The following COL23A1 variants were observed in gnomAD, a reference collection of about 807,000 sequenced individuals.
The protein encoded by COL23A1 is collagen type XXIII alpha 1 chain.
COL23A1 carries 97 observed loss-of-function variants against 99.3 expected under a neutral mutation model. That is an observed-to-expected ratio of 0.98 (90% CI 0.83 to 1.16). The LOEUF (loss-of-function observed/expected upper bound fraction) is 1.16. Ranked by LOEUF, COL23A1 falls within the 50% of genes most tolerant of loss-of-function variation. The pLI is 0.00. For missense variants in COL23A1, 762 were observed against 757.4 expected, an observed-to-expected ratio of 1.01 and a Z score of -0.07; for synonymous variants, 320 against 308.2, an observed-to-expected ratio of 1.04 and a Z score of -0.40.
rs142812776 is a variant in COL23A1, at chr5:178,380,726, C to T, written c.362-73807G>A. Among the ~76,000 whole-genome samples the T allele has an allele frequency of 9.7e-3, 1,470 of 152,258 alleles. 14 individuals carry two copies. Among genetic ancestry groups the T allele is most frequent in the Non-Finnish European group, 0.014 (953 of 68,026 alleles). ...GCCGGGACAGAGGCAGGGAGGATCACGTCCGGGGCCAATGTCGGGACCAGC... is the reference window on the plus strand; with the variant it reads ...GCCGGGACAGAGGCAGGGAGGATCATGTCCGGGGCCAATGTCGGGACCAGC... On this transcript the variant is annotated intron_variant, in intron 2 of 28. Transcript: ENST00000390654.
chr5:178,533,522 C>T (rs770455561), intron 2 of COL23A1, among the ~76,000 whole-genome samples: 2 of 152,098 alleles, frequency 1.3e-5, no homozygotes, highest in Non-Finnish European at 2.9e-5. Context: ...TTTTGAGACA[C>T]GGTCTCGCTC....
At chr5:178,286,041 G>A (rs540687990) in intron 5 of COL23A1, among the ~76,000 whole-genome samples, 11 of 152,330 alleles carry the variant, frequency 7.2e-5, no homozygotes, top group African/African-American at 1.7e-4. Flanking sequence ...TGGTGCTGGC[G>A]ACGTGAACGC....
intron 2 of COL23A1, among the ~76,000 whole-genome samples, chr5:178,356,505 C>T (rs140607814): frequency 1.2e-4 from 19 of 152,190 alleles, no homozygotes; most frequent in African/African-American, 4.3e-4. Flanking sequence ...AGGAGAGGGG[C>T]CTGAGCCCTG....
At chr5:178,485,937 G>A (rs573598664) in intron 2 of COL23A1, among the ~76,000 whole-genome samples, 21 of 152,230 alleles carry the variant, frequency 1.4e-4, no homozygotes, top group Admixed American at 4.6e-4. Context: ...GAGGGGTGCC[G>A]GGGTGCTTTG....
chr5:178,457,911 C>T (rs1454227191), intron 2 of COL23A1, among the ~76,000 whole-genome samples: 1 of 152,202 alleles, frequency 6.6e-6, no homozygotes, highest in Non-Finnish European at 1.5e-5. Flanking sequence ...CAAACGTTTT[C>T]TAGTTCTGTG....
intron 4 of COL23A1, among the ~76,000 whole-genome samples, chr5:178,289,971 C>A (rs1020778749): frequency 3.9e-5 from 6 of 152,216 alleles, no homozygotes; most frequent in Admixed American, 3.3e-4. Flanking sequence ...CTGTCTGCTG[C>A]CCAGGCTGGA....
intron 1 of COL23A1, among the ~76,000 whole-genome samples, chr5:178,565,037 G>A (rs529911102): frequency 1.3e-5 from 2 of 152,288 alleles, no homozygotes; most frequent in African/African-American, 2.4e-5. Context: ...TCTCCTTGAC[G>A]CAACTGTCAC....
chr5:178,283,181 C>T (rs760050972), intron 5 of COL23A1, among the ~76,000 whole-genome samples: 27 of 152,162 alleles, frequency 1.8e-4, no homozygotes, highest in Non-Finnish European at 3.8e-4. Flanking sequence ...CCACCGCGCC[C>T]GGCCGGGACA....
chr5:178,472,003 G>C (rs944779835), intron 2 of COL23A1, among the ~76,000 whole-genome samples: 1 of 152,272 alleles, frequency 6.6e-6, no homozygotes, highest in East Asian at 1.9e-4. Context: ...TTAAAATCCT[G>C]GGTGCAGGCC....
At chr5:178,467,183 A>G (rs976324668) in intron 2 of COL23A1, among the ~76,000 whole-genome samples, 11 of 152,160 alleles carry the variant, frequency 7.2e-5, no homozygotes, top group Non-Finnish European at 1.2e-4. Flanking sequence ...CTAGCTCAGT[A>G]TTCTTTTTCT....
intron 6 of COL23A1, 127 bp from the exon 7 acceptor site, chr5:178,268,883 C>T (rs1756060330): frequency 3.4e-6 from 3 of 881,206 alleles, no homozygotes; most frequent in Non-Finnish European, 1.7e-6. Flanking sequence ...GAAAATTACA[C>T]ATGAGCTCTC....
At chr5:178,326,172 G>A (rs970765240) in intron 2 of COL23A1, among the ~76,000 whole-genome samples, 2 of 152,116 alleles carry the variant, frequency 1.3e-5, no homozygotes, top group Admixed American at 1.3e-4. Context: ...AACACTTGCC[G>A]AATACTCCAT....
At chr5:178,252,458 G>C (rs1765086553) in intron 17 of COL23A1, 86 bp downstream of exon 17, 2 of 1,319,156 alleles carry the variant, frequency 1.5e-6, no homozygotes, top group Non-Finnish European at 2.1e-6. Flanking sequence ...GAGGGAAGTG[G>C]AACAGGGTCA....
chr5:178,396,922 C>T (rs1420761624), intron 2 of COL23A1, among the ~76,000 whole-genome samples: 1 of 152,226 alleles, frequency 6.6e-6, no homozygotes, highest in Non-Finnish European at 1.5e-5. Context: ...AACAGCTGAG[C>T]ATCTGGGGCT....
chr5:178,470,556 C>A (rs1247691363), intron 2 of COL23A1, among the ~76,000 whole-genome samples: 1 of 152,124 alleles, frequency 6.6e-6, no homozygotes, highest in Non-Finnish European at 1.5e-5. Flanking sequence ...TAAATCTAAG[C>A]TCATTAACAG....
At chr5:178,377,482 GA>G (rs1261891423) in intron 2 of COL23A1, among the ~76,000 whole-genome samples, 2 of 152,228 alleles carry the variant, frequency 1.3e-5, no homozygotes, top group African/African-American at 2.4e-5. Flanking sequence ...ACTCACTAGT[GA>G]AAACTCACCA....
chr5:178,570,944 T>G (rs1224350784), intron 1 of COL23A1, among the ~76,000 whole-genome samples: 1 of 151,882 alleles, frequency 6.6e-6, no homozygotes, highest in Admixed American at 6.6e-5. Context: ...AGGAAATGAC[T>G]GAGGTCAGGG....
intron 2 of COL23A1, among the ~76,000 whole-genome samples, chr5:178,518,401 G>A (rs1419120850): frequency 0.014 from 2,184 of 150,900 alleles, 73 homozygotes; most frequent in African/African-American, 0.051. Flanking sequence ...CGTTCTCAAT[G>A]AGCTGTTGGG....
intron 2 of COL23A1, among the ~76,000 whole-genome samples, chr5:178,403,011 G>T (rs1029691251): frequency 6.6e-6 from 1 of 151,384 alleles, no homozygotes; most frequent in Non-Finnish European, 1.5e-5. Context: ...AGGAGGCTGA[G>T]GCAGGAGAAT....
Sources: allele counts gnomAD v4.1 joint callset (sites outside exome capture counted in the v4.1 genomes callset), GRCh38; gene constraint gnomAD v4.1.1; transcripts MANE v1.5; gene names NCBI Gene and HGNC (gene_info 2026-07-23, HGNC 2026-07-21).